The following DHTKD1 variants were observed in gnomAD, a reference collection of about 807,000 sequenced individuals.
DHTKD1 encodes the protein 2-oxoadipate dehydrogenase complex component E1.
Under a neutral mutation model 101.8 loss-of-function variants are expected in DHTKD1, and 78 were observed. The observed-to-expected ratio is 0.77, with a 90% CI of 0.64 to 0.93. The LOEUF is 0.93. Among genes scored for constraint, DHTKD1 ranks in the 40% least tolerant of loss-of-function variants. The pLI is 0.00. For missense variants in DHTKD1, 1,223 were observed against 1,161.7 expected (o/e 1.05, Z -0.77); for synonymous variants, 462 against 450.3 (o/e 1.03, Z -0.33).
rs368119003 is a variant in DHTKD1, at chr10:12,094,220, A to G, written c.1307A>G (p.Asn436Ser). ...DLLCYRQWGH[N>S]ELDEPFYTNP... Reference sequence around the variant, plus strand: ...TTGTGCTACAGGCAGTGGGGCCACAATGAGCTGGATGAGCCATTCTACACC... The same window carrying G: ...TTGTGCTACAGGCAGTGGGGCCACAGTGAGCTGGATGAGCCATTCTACACC... The change falls in exon 7 of 17, where the codon AAT (asparagine) becomes AGT (serine). Residue 436 changes from asparagine to serine, a missense_variant. By Grantham distance (46) the Asn-to-Ser change is conservative. Coordinates refer to ENST00000263035, the MANE Select transcript of DHTKD1 (RefSeq NM_018706.7). 1.2e-5 allele frequency: 19 copies of G among 1,614,222 alleles called. 1 individual carries two copies. In the East Asian group the frequency reaches 2.2e-4, roughly 19 times the overall value.
chr10:12,095,551 C>T lies in DHTKD1; in HGVS notation c.1358+1280C>T, dbSNP rs868019864. Among the ~76,000 whole-genome samples, 18 of 151,442 alleles carry T rather than the reference C, an allele frequency of 1.2e-4. No individual in the cohort carries two copies. The Middle Eastern group carries it at 0.02, about 172-fold the overall frequency. On this transcript the variant is annotated intron_variant, in intron 7 of 16. Transcript: ENST00000263035. ...AAATTTGGCCAGGCGCGGTGGCTCA[C>T]GCCTGTAATCCCAGCACTTTGGGAG... is the stretch of plus-strand genomic sequence containing the variant.
intron 9 of DHTKD1, among the ~76,000 whole-genome samples, chr10:12,100,797 C>CTAGTA (rs1178361907): frequency 6.6e-6 from 1 of 152,150 alleles, no homozygotes; most frequent in Non-Finnish European, 1.5e-5. Flanking sequence ...AAACAAAGGG[C>CTAGTA]TAGTGCTGGA....
chr10:12,080,672 C>T (rs1832802137), intron 1 of DHTKD1, among the ~76,000 whole-genome samples: 2 of 149,380 alleles, frequency 1.3e-5, no homozygotes, highest in Admixed American at 1.4e-4. Context: ...GATTGAACCA[C>T]TGCACTCCAG....
At chr10:12,076,383 G>A (rs12779367) in intron 1 of DHTKD1, among the ~76,000 whole-genome samples, 1 of 152,142 alleles carries the variant, frequency 6.6e-6, no homozygotes, top group Non-Finnish European at 1.5e-5. Context: ...GGCTGAGGCA[G>A]GAGAATCGCT....
Position 12,069,064 on chromosome 10 carries a change from C to CAT in DHTKD1, c.31_32insAT (p.Arg11HisfsTer51). 1 of 1,613,102 alleles carries CAT rather than the reference C, an allele frequency of 6.2e-7. No homozygotes were observed. Among genetic ancestry groups the CAT allele is most frequent in the Non-Finnish European group, 8.5e-7 (1 of 1,179,624 alleles). On this transcript the variant is annotated frameshift_variant, in exon 1 of 17. Coordinates refer to ENST00000263035, the MANE Select transcript of DHTKD1 (RefSeq NM_018706.7). LOFTEE classifies it high-confidence loss of function. Reference sequence around the variant, plus strand: ...CTCTGCTACTGCGGCAGCAGCACGACGGGGCCTCGGCCGGGCTCTCCCTCT... The same window carrying CAT: ...CTCTGCTACTGCGGCAGCAGCACGACATGGGGCCTCGGCCGGGCTCTCCCTCT...
intron 12 of DHTKD1, among the ~76,000 whole-genome samples, chr10:12,112,264 A>G (rs921310360): frequency 8.5e-5 from 13 of 152,094 alleles, no homozygotes; most frequent in African/African-American, 2.4e-4. Context: ...ACAGTGTGCT[A>G]TGATCATGCC....
intron 1 of DHTKD1, among the ~76,000 whole-genome samples, chr10:12,071,243 T>C (rs1832645813): frequency 6.6e-6 from 1 of 152,152 alleles, no homozygotes; most frequent in Admixed American, 6.6e-5. Context: ...ACGTTCCCAT[T>C]GTCCAAAACT....
intron 12 of DHTKD1, among the ~76,000 whole-genome samples, chr10:12,108,517 T>C (rs1833282702): frequency 6.6e-6 from 1 of 152,072 alleles, no homozygotes; most frequent in Admixed American, 6.6e-5. Flanking sequence ...TGGCCTCAAG[T>C]GATCTACCCG....
Position 12,110,324 on chromosome 10 carries a change from A to G in DHTKD1, c.2154+2309A>G, listed in dbSNP as rs1273660354. On this transcript the variant is annotated intron_variant, in intron 12 of 16. Transcript: ENST00000263035. The surrounding 1 kb of genome is among the most constrained non-coding windows in gnomAD (Gnocchi z 4.9). ...GAAAAAAGAATGTGGTCCAATACAAATTCATAAACTTTCTTAAAACATTAT... is the reference window on the plus strand; with the variant it reads ...GAAAAAAGAATGTGGTCCAATACAAGTTCATAAACTTTCTTAAAACATTAT... Among the ~76,000 whole-genome samples, 1 of 151,950 alleles carries G rather than the reference A, an allele frequency of 6.6e-6. No homozygotes were observed. The highest frequency in any genetic ancestry group is 1.9e-4 in the East Asian group (1 of 5,190).
At chr10:12,086,540 G>T (rs1039915642) in intron 3 of DHTKD1, among the ~76,000 whole-genome samples, 9 of 151,832 alleles carry the variant, frequency 5.9e-5, no homozygotes, top group African/African-American at 2.2e-4. Flanking sequence ...AGCCAGGATG[G>T]TCTCGATCTC....
chr10:12,117,681 G>A lies in DHTKD1; in HGVS notation c.2328G>A (p.Val776=). 6.3e-7 allele frequency: 1 copy of A among 1,599,280 alleles called. No homozygotes were observed. The highest frequency in any genetic ancestry group is 2.3e-5 in the East Asian group (1 of 44,082). The part of the protein sequence containing the change: ...PKMLLRLPAA[V]STLQEMAPGT... Reference sequence around the variant, plus strand: ...CCTCTTCTCCCTCGTAGGCAGCCGTGTCAACTCTTCAAGAAATGGCACCAG... The same window carrying A: ...CCTCTTCTCCCTCGTAGGCAGCCGTATCAACTCTTCAAGAAATGGCACCAG... The change falls in exon 14 of 17, where the codon GTG becomes GTA. Residue 776 remains valine, a synonymous_variant. Coordinates refer to ENST00000263035, the MANE Select transcript of DHTKD1 (RefSeq NM_018706.7).
Position 12,081,423 on chromosome 10 carries a change from G to A in DHTKD1, c.155-49G>A. The A allele has an allele frequency of 2.6e-6, 4 of 1,515,708 alleles. No homozygotes were observed. The South Asian group carries it at 4.5e-5, about 17-fold the overall frequency. 93.9% of individuals were successfully genotyped at this position (1,515,708 alleles called of 1,614,324 possible). On this transcript the variant is annotated intron_variant, in intron 1 of 16. Coordinates refer to ENST00000263035, the MANE Select transcript of DHTKD1 (RefSeq NM_018706.7). ...TTTGAAAATCTGATTTTTGTGATTT[G>A]TAGTCATCTCCTAAACTGTTTGCAT...
intron 13 of DHTKD1, among the ~76,000 whole-genome samples, chr10:12,114,894 C>CA (rs1172196096): frequency 1.3e-5 from 2 of 152,150 alleles, no homozygotes; most frequent in African/African-American, 4.8e-5. Flanking sequence ...CTCCCGGGTT[C>CA]AGGCCATTCT....
intron 1 of DHTKD1, among the ~76,000 whole-genome samples, chr10:12,078,804 A>G (rs1832772127): frequency 6.6e-6 from 1 of 151,998 alleles, no homozygotes; most frequent in African/African-American, 2.4e-5. Flanking sequence ...CTCAGCCTCC[A>G]CAGGCACGTG....
chr10:12,099,562 C>A (rs987148480), intron 8 of DHTKD1, among the ~76,000 whole-genome samples: 1 of 151,954 alleles, frequency 6.6e-6, no homozygotes, highest in Admixed American at 6.6e-5. Flanking sequence ...GTGGTGTGCA[C>A]CCATAGTCCC....
intron 1 of DHTKD1, 90 bp from the exon 2 acceptor site, chr10:12,081,382 G>T (rs1349336078): frequency 1.1e-5 from 12 of 1,059,248 alleles, no homozygotes; most frequent in Admixed American, 1.8e-5. Flanking sequence ...AAGGTGTCTA[G>T]GGCTGTAAGA....
intron 1 of DHTKD1, among the ~76,000 whole-genome samples, 183 bp downstream of exon 1, chr10:12,069,370 C>T (rs1348811564): frequency 6.6e-6 from 1 of 152,118 alleles, no homozygotes; most frequent in Non-Finnish European, 1.5e-5. Flanking sequence ...GGGGTCATCC[C>T]CCGTCCATCC....
At chr10:12,078,263 A>G (rs755179448) in intron 1 of DHTKD1, among the ~76,000 whole-genome samples, 20 of 152,006 alleles carry the variant, frequency 1.3e-4, no homozygotes, top group Non-Finnish European at 2.4e-4. Context: ...CTTCTCTACT[A>G]AAAATACAAA....
At chr10:12,102,661 A>G (rs1833189165) in intron 10 of DHTKD1, among the ~76,000 whole-genome samples, 1 of 152,114 alleles carries the variant, frequency 6.6e-6, no homozygotes, top group Non-Finnish European at 1.5e-5. Context: ...AAAAGTCCCA[A>G]TTAAATGCCT....
Sources: gnomAD v4.1 joint callset for allele counts (sites outside exome capture counted in the v4.1 genomes callset) on GRCh38, gnomAD v4.1.1 for gene constraint, Gnocchi (gnomAD v3.1) non-coding constraint, MANE v1.5 for transcripts, NCBI Gene and HGNC (gene_info 2026-07-23, HGNC 2026-07-21) for gene names.